Variants in RCOR3 observed in about 807,000 individuals in gnomAD.
The protein encoded by RCOR3 is REST corepressor 3.
RCOR3 carries 13 observed loss-of-function variants against 64.1 expected under a neutral mutation model. The observed-to-expected ratio is 0.20, with a 90% confidence interval of 0.13 to 0.32. The LOEUF (loss-of-function observed/expected upper bound fraction) is 0.32, where lower values mean the gene tolerates loss of function less well. Ranked by LOEUF, RCOR3 falls within the 10% of genes least tolerant of loss-of-function variation. The probability of loss-of-function intolerance (pLI) is 1.00; values close to 1 mark genes in which losing one functional copy is unlikely to be tolerated. For missense variants in RCOR3, 489 were observed against 701.2 expected (o/e 0.70, Z 3.42); for synonymous variants, 215 against 239.0 (o/e 0.90, Z 0.93).
At chr1:211,275,027 C>T (rs939453011) in intron 4 of RCOR3, among the ~76,000 whole-genome samples, 27 of 151,006 alleles carry the variant, frequency 1.8e-4, no homozygotes, top group African/African-American at 4.8e-4. Flanking sequence ...TTATGTAATA[C>T]ACTCTATTAT....
chr1:211,260,510 T>A (rs1303020358), intron 2 of RCOR3, among the ~76,000 whole-genome samples: 1 of 152,158 alleles, frequency 6.6e-6, no homozygotes, highest in Non-Finnish European at 1.5e-5. Context: ...GCGTGCGGAC[T>A]GTATGGACGA....
intron 3 of RCOR3, among the ~76,000 whole-genome samples, chr1:211,272,512 T>G (rs1696344427): frequency 6.6e-6 from 1 of 151,774 alleles, no homozygotes; most frequent in Non-Finnish European, 1.5e-5. Context: ...GGGTGTGCAT[T>G]GGAATCACTT....
rs576043988 is a variant in RCOR3, at chr1:211,305,141, G to C, written c.1075+1001G>C. On this transcript the variant is annotated intron_variant, in intron 10 of 11. Coordinates refer to ENST00000419091, the MANE Select transcript of RCOR3 (RefSeq NM_001136223.3). ...GACTGATGGATGACTCCGCAGTTTG[G>C]ATTAGAGAGAGTAAGAATTAGCCAG... 7.9e-5 allele frequency among the ~76,000 whole-genome samples: 12 copies of C among 152,310 alleles called. No homozygotes were observed. The South Asian group carries it at 2.5e-3, about 32-fold the overall frequency.
At position 211,312,830 on chromosome 1, in the gene RCOR3, G is replaced by C. The variant is rs1269490330; in HGVS notation, c.1186G>C (p.Glu396Gln). 1 of 1,614,216 alleles carries C rather than the reference G, an allele frequency of 6.2e-7. No homozygotes were observed. Among genetic ancestry groups the C allele is most frequent in the Non-Finnish European group, 8.5e-7 (1 of 1,180,020 alleles). The change falls in exon 11 of 12, where the codon GAG becomes CAG. Residue 396 changes from glutamate to glutamine, a missense_variant. By Grantham distance (29) the Glu-to-Gln change is conservative. Coordinates refer to ENST00000419091, the MANE Select transcript of RCOR3 (RefSeq NM_001136223.3). The surrounding 1 kb of genome is among the most constrained non-coding windows in gnomAD (Gnocchi z 5.0). The stretch of plus-strand genomic sequence containing the variant: ...AAACTACAGGCGTCGGTTTAACTTA[G>C]AGGAGGTATTGCAGGAGTGGGAAGC... Reference protein sequence around the residue: ...FVNYRRRFNLEEVLQEWEAEQ... With the variant: ...FVNYRRRFNLQEVLQEWEAEQ...
chr1:211,302,060 G>A (rs898469772), intron 9 of RCOR3: 4 of 152,078 alleles, frequency 2.6e-5, no homozygotes, highest in African/African-American at 7.2e-5. Flanking sequence ...TATCCAACTG[G>A]TCATTAATCC....
rs760350109 is a variant in RCOR3 at position 211,313,809 on chromosome 1, C to T, written c.*41C>T. On this transcript the variant is annotated 3_prime_UTR_variant, in exon 12 of 12. Transcript: ENST00000419091. This position sits in a 1 kb window ranked among gnomAD's most constrained non-coding sequence, Gnocchi z 4.7. ...CAGCTGCAGTAACTTTTCACCCCAT[C>T]ATTATACCAGTGCTCATCTGACTGA... is the stretch of plus-strand genomic sequence containing the variant. 6.6e-7 allele frequency: 1 copy of T among 1,510,466 alleles called. No individual in the cohort carries two copies. Among genetic ancestry groups the T allele is most frequent in the Non-Finnish European group, 9.2e-7 (1 of 1,091,656 alleles). The allele number at this position is 1,510,466 out of a possible 1,614,324, so 93.6% of individuals were successfully genotyped here.
At chr1:211,273,827 G>A (rs1696584474) in intron 3 of RCOR3, among the ~76,000 whole-genome samples, 1 of 152,132 alleles carries the variant, frequency 6.6e-6, no homozygotes, top group South Asian at 2.1e-4. Context: ...CTCGAAATAT[G>A]TGAAAGTGTC....
intron 2 of RCOR3, among the ~76,000 whole-genome samples, chr1:211,263,222 A>G (rs1181109545): frequency 6.6e-6 from 1 of 151,810 alleles, no homozygotes; most frequent in Non-Finnish European, 1.5e-5. Context: ...TTATGGCTGC[A>G]TAGTATTCCA....
intron 7 of RCOR3, among the ~76,000 whole-genome samples, chr1:211,283,159 T>C (rs1042983299): frequency 2.0e-5 from 3 of 152,230 alleles, no homozygotes; most frequent in African/African-American, 7.2e-5. Context: ...GTTCCTTTGG[T>C]ACAATAGTTC....
chr1:211,301,911 T>C (rs1700420621), intron 9 of RCOR3: 1 of 152,206 alleles, frequency 6.6e-6, no homozygotes, highest in Non-Finnish European at 1.5e-5. Context: ...CATGAATTGA[T>C]CAACTTTTAT....
At chr1:211,284,953 A>G (rs1467428194) in intron 7 of RCOR3, among the ~76,000 whole-genome samples, 1 of 152,114 alleles carries the variant, frequency 6.6e-6, no homozygotes, top group African/African-American at 2.4e-5. Flanking sequence ...ATTCCTTGCT[A>G]ATCCCACATT....
intron 10 of RCOR3, among the ~76,000 whole-genome samples, chr1:211,309,346 A>G (rs577822994): frequency 6.6e-6 from 1 of 152,334 alleles, no homozygotes; most frequent in Non-Finnish European, 1.5e-5. Flanking sequence ...TGGGTAATAT[A>G]GATTCCTGGT....
At chr1:211,284,814 A>G (rs1311210462) in intron 7 of RCOR3, among the ~76,000 whole-genome samples, 2 of 152,188 alleles carry the variant, frequency 1.3e-5, no homozygotes, top group Admixed American at 6.5e-5. Context: ...GAGCCCTACC[A>G]TGCCTGGCTA....
intron 9 of RCOR3, among the ~76,000 whole-genome samples, chr1:211,300,075 T>TTTC (rs1700223945): frequency 6.9e-6 from 1 of 145,890 alleles, no homozygotes; most frequent in African/African-American, 2.5e-5. Flanking sequence ...TTCTTTCTTT[T>TTTC]TTTTTTTTTT....
rs1339387789 is a variant in RCOR3, at chr1:211,259,661, C to T, written c.101C>T (p.Ser34Leu). The T allele has an allele frequency of 1.3e-6, 2 of 1,546,652 alleles. No homozygotes were observed. The highest frequency in any genetic ancestry group is 1.4e-5 in the African/African-American group (1 of 72,462). ...GCAGGCGGCGGCGGCAGCGGCGCCT[C>T]GTCCACCAACGGCGGGCTGCACTAC... ...SPAGGGGSGA[S>L]STNGGLHYSE... The change falls in exon 1 of 12, where the codon TCG becomes TTG. Residue 34 changes from serine (S) to leucine (L), a missense_variant. Around this residue, in one of 2 missense-constraint regions of RCOR3, gnomAD observed 87 missense variants for 84.3 expected, o/e 1.03. Transcript: ENST00000419091.
At chr1:211,266,110 C>G (rs1052349660) in intron 2 of RCOR3, among the ~76,000 whole-genome samples, 4 of 152,050 alleles carry the variant, frequency 2.6e-5, no homozygotes, top group African/African-American at 9.7e-5. Context: ...AAAATTGATT[C>G]TCTTAAAATT....
At chr1:211,292,610 T>G (rs537326396) in intron 8 of RCOR3, among the ~76,000 whole-genome samples, 1 of 152,342 alleles carries the variant, frequency 6.6e-6, no homozygotes, top group South Asian at 2.1e-4. Context: ...TAACCACTGC[T>G]ACTTTTATGT....
intron 8 of RCOR3, among the ~76,000 whole-genome samples, chr1:211,293,703 C>A (rs1571943251): frequency 6.6e-6 from 1 of 152,188 alleles, no homozygotes; most frequent in Non-Finnish European, 1.5e-5. Flanking sequence ...CTCGAGAATT[C>A]AGACTTTACA....
intron 2 of RCOR3, 92 bp downstream of exon 2, chr1:211,260,256 G>T: frequency 1.7e-6 from 2 of 1,188,734 alleles, no homozygotes; most frequent in East Asian, 2.4e-5. Flanking sequence ...GGGGCCGGGA[G>T]GGGATGCGGG....
Sources: allele counts gnomAD v4.1 joint callset (sites outside exome capture counted in the v4.1 genomes callset), GRCh38; gene constraint gnomAD v4.1.1; regional missense constraint gnomAD v4.1.1; non-coding constraint Gnocchi (gnomAD v3.1); transcripts MANE v1.5; gene names NCBI Gene and HGNC (gene_info 2026-07-23, HGNC 2026-07-21).